Variants in PTPRS observed in about 807,000 individuals in gnomAD.
PTPRS encodes the protein receptor-type tyrosine-protein phosphatase S.
PTPRS carries 63 observed loss-of-function variants against 215.3 expected under a neutral mutation model. The observed-to-expected ratio is 0.29, with a 90% CI of 0.24 to 0.36. The LOEUF is 0.36. Among genes scored for constraint, PTPRS ranks in the 10% least tolerant of loss-of-function variants. PTPRS has a pLI of 1.00. For synonymous variants in PTPRS, 1,404 were observed against 1,191.4 expected (o/e 1.18, Z -3.68); for missense variants, 2,258 against 2,825.8 (o/e 0.80, Z 4.56).
intron 2 of PTPRS, among the ~76,000 whole-genome samples, chr19:5,283,747 T>G (rs932255485): frequency 6.6e-6 from 1 of 152,138 alleles, no homozygotes; most frequent in African/African-American, 2.4e-5. Context: ...CATTGGGAAC[T>G]TGGCCTGTGG....
At position 5,231,437 on chromosome 19, in the gene PTPRS, C is replaced by T. The variant is rs766473109; in HGVS notation, c.2028G>A (p.Pro676=). The T allele has an allele frequency of 3.7e-6, 6 of 1,612,850 alleles. No homozygotes were observed. Among genetic ancestry groups the T allele is most frequent in the South Asian group, 2.2e-5 (2 of 91,074 alleles). The change falls in exon 14 of 38, where the codon CCG becomes CCA. Residue 676 remains proline, a synonymous_variant. Coordinates refer to ENST00000262963, the MANE Select transcript of PTPRS (RefSeq NM_002850.4). ...PEPKEVNGIP[P]TTTQILLEAL... ...CCTCCAGCAGGATCTGAGTGGTGGT[C>T]GGGGGGATGCCGTTCACCTCCTTGG...
At chr19:5,310,378 C>T (rs1600096369) in intron 1 of PTPRS, among the ~76,000 whole-genome samples, 2 of 147,726 alleles carry the variant, frequency 1.4e-5, no homozygotes, top group South Asian at 2.1e-4. Flanking sequence ...ACTGCAGTGG[C>T]GCAATCTCGG....
intron 28 of PTPRS, 95 bp from the exon 29 acceptor site, chr19:5,214,831 C>A: frequency 7.8e-7 from 1 of 1,282,774 alleles, no homozygotes; most frequent in Non-Finnish European, 1.1e-6. Flanking sequence ...ACTCTGACCG[C>A]TCCCAGATTG....
intron 1 of PTPRS, among the ~76,000 whole-genome samples, chr19:5,336,942 C>T (rs1364739291): frequency 1.3e-5 from 2 of 152,086 alleles, no homozygotes; most frequent in Non-Finnish European, 2.9e-5. Flanking sequence ...AAGAGGACAC[C>T]CACCCATTGG....
At chr19:5,329,727 T>C (rs948349780) in intron 1 of PTPRS, among the ~76,000 whole-genome samples, 2 of 149,788 alleles carry the variant, frequency 1.3e-5, no homozygotes, top group Admixed American at 1.3e-4. Flanking sequence ...ATCATGCCAC[T>C]GCACTCCAGC....
rs894331096 is a variant in PTPRS, at chr19:5,205,776, G to C, written c.*998C>G. On this transcript the variant is annotated 3_prime_UTR_variant, in exon 38 of 38. Transcript: ENST00000262963. ...TACAGCCACTGTCCCCGAAGAAGTA[G>C]GATCCTCTCTGTCTCCTTGGGGGCG... Among the ~76,000 whole-genome samples, 1 of 152,054 alleles carries C rather than the reference G, an allele frequency of 6.6e-6. No homozygotes were observed. The highest frequency in any genetic ancestry group is 2.4e-5 in the African/African-American group (1 of 41,396).
chr19:5,206,594 G>A lies in PTPRS; in HGVS notation c.*180C>T, dbSNP rs1428515959. 1.6e-5 allele frequency: 9 copies of A among 551,770 alleles called. No individual in the cohort carries two copies. Among genetic ancestry groups the A allele is most frequent in the African/African-American group, 3.9e-5 (2 of 51,246 alleles). The allele number at this position is 551,770 out of a possible 1,614,324, so 34.2% of individuals were successfully genotyped here. A position where few individuals can be genotyped will look rare whatever the true frequency, so the allele number is the denominator to read the frequency against. On this transcript the variant is annotated 3_prime_UTR_variant, in exon 38 of 38. Transcript: ENST00000262963. ...CCGGTGCCAGGGAGGTCGCTGGGGC[G>A]GCCGGGGCCGGTGGGGGGGCTCGAG...
chr19:5,221,160 G>A lies in PTPRS; in HGVS notation c.3295C>T (p.Leu1099=). ...LKPHTFYNFV[L]TNRGSSLGGL... is the part of the protein sequence containing the mutation. ...CCCAGGCTGCTGCCGCGATTGGTCAGCACAAAGTTGTAGAAGGTGTGGGGC... is the reference window on the plus strand; with the variant it reads ...CCCAGGCTGCTGCCGCGATTGGTCAACACAAAGTTGTAGAAGGTGTGGGGC... Residue 1099 remains leucine (L), a synonymous_variant, in exon 20 of 38, where the codon CTG becomes TTG. Transcript: ENST00000262963. 1.9e-6 allele frequency: 3 copies of A among 1,614,080 alleles called. No homozygotes were observed. Among genetic ancestry groups the A allele is most frequent in the Non-Finnish European group, 2.5e-6 (3 of 1,179,994 alleles).
intron 1 of PTPRS, among the ~76,000 whole-genome samples, chr19:5,323,999 G>A (rs1481316319): frequency 6.6e-6 from 1 of 152,124 alleles, no homozygotes; most frequent in Non-Finnish European, 1.5e-5. Context: ...GGAGGCCAAG[G>A]TGGGTGGAAT....
At chr19:5,276,751 C>T (rs2047404722) in intron 2 of PTPRS, among the ~76,000 whole-genome samples, 1 of 151,638 alleles carries the variant, frequency 6.6e-6, no homozygotes, top group African/African-American at 2.4e-5. Flanking sequence ...ACCGTGTTAG[C>T]CAGGATGGTC....
chr19:5,297,950 G>A (rs1483088812), intron 1 of PTPRS, among the ~76,000 whole-genome samples: 2 of 151,736 alleles, frequency 1.3e-5, no homozygotes, highest in Non-Finnish European at 2.9e-5. Context: ...ACACCACCAC[G>A]CCCGGCTAAT....
At chr19:5,280,162 G>A (rs2047727439) in intron 2 of PTPRS, among the ~76,000 whole-genome samples, 1 of 152,250 alleles carries the variant, frequency 6.6e-6, no homozygotes, top group African/African-American at 2.4e-5. Context: ...AAAGGGTAGA[G>A]TGAGTCCAGG....
Position 5,222,932 on chromosome 19 carries a change from C to T in PTPRS, c.2860G>A (p.Val954Met), listed in dbSNP as rs749987801. ...GTVLLRWLPP[V>M]PAERNGAIVK... is the part of the protein sequence containing the mutation. ...ATGGCCCCGTTGCGCTCGGCGGGCA[C>T]GGGTGGCAGCCAGCGGAGAAGGACG... The change falls in exon 18 of 38, where the codon GTG becomes ATG. Residue 954 changes from valine to methionine, a missense_variant. Physicochemically the swap from Val to Met is conservative, Grantham distance 21. Transcript: ENST00000262963. 5 of 1,557,826 alleles carry T rather than the reference C, an allele frequency of 3.2e-6. No individual in the cohort carries two copies. The South Asian group carries it at 4.6e-5, about 14-fold the overall frequency.
intron 4 of PTPRS, among the ~76,000 whole-genome samples, chr19:5,266,528 G>C (rs566489127): frequency 6.6e-6 from 1 of 151,898 alleles, no homozygotes; most frequent in African/African-American, 2.4e-5. Flanking sequence ...CTCCACGCCC[G>C]GCTAATTTTT....
At chr19:5,316,334 C>G (rs1421100148) in intron 1 of PTPRS, among the ~76,000 whole-genome samples, 2 of 152,176 alleles carry the variant, frequency 1.3e-5, no homozygotes, top group Non-Finnish European at 2.9e-5. Context: ...TCCTGTGTCC[C>G]GAGTCCAGCT....
rs2048423143 is a variant in PTPRS at position 5,287,273 on chromosome 19, C to A, written c.-94-1039G>T. ...CTTCTCTGCCCCTCAAAGGTCAATT[C>A]CCCCTACATTCTACATCCCGGAGCA... On this transcript the variant is annotated intron_variant, in intron 1 of 37. Transcript: ENST00000262963. The surrounding 1 kb of genome is among the most constrained non-coding windows in gnomAD (Gnocchi z 4.8). Among the ~76,000 whole-genome samples, 1 of 152,180 alleles carries A rather than the reference C, an allele frequency of 6.6e-6. No individual in the cohort carries two copies. The highest frequency in any genetic ancestry group is 1.9e-4 in the East Asian group (1 of 5,194).
intron 1 of PTPRS, among the ~76,000 whole-genome samples, chr19:5,332,689 A>C (rs1188091141): frequency 1.3e-5 from 2 of 152,230 alleles, no homozygotes; most frequent in Non-Finnish European, 2.9e-5. Flanking sequence ...GCCCAGCAGC[A>C]GGCAGGCAGG....
chr19:5,293,938 G>GA lies in PTPRS; in HGVS notation c.-94-7705dup, dbSNP rs1485266503. ...ACCGGAGCAGAGGGAGAGGAGGAGG[G>GA]AGAGGGAGGGGCAGACCTGTCCGGG... On this transcript the variant is annotated intron_variant, in intron 1 of 37. Transcript: ENST00000262963. This position sits in a 1 kb window ranked among gnomAD's most constrained non-coding sequence, Gnocchi z 8.4. Among the ~76,000 whole-genome samples the GA allele has an allele frequency of 6.6e-6, 1 of 152,200 alleles. No individual in the cohort carries two copies. The highest frequency in any genetic ancestry group is 2.4e-5 in the African/African-American group (1 of 41,446).
intron 1 of PTPRS, among the ~76,000 whole-genome samples, chr19:5,331,126 TTTAAAAAA>T (rs1315547643): frequency 4.7e-5 from 2 of 42,560 alleles, no homozygotes; most frequent in Middle Eastern, 0.02. Flanking sequence ...GGCTTCTTTT[TTTAAAAAA>T]AAAAAAAAAA....
Sources: allele counts gnomAD v4.1 joint callset (sites outside exome capture counted in the v4.1 genomes callset), GRCh38; gene constraint gnomAD v4.1.1; non-coding constraint Gnocchi (gnomAD v3.1); transcripts MANE v1.5; gene names NCBI Gene and HGNC (gene_info 2026-07-23, HGNC 2026-07-21).